Variants in TMEFF2 observed in about 807,000 individuals in gnomAD.
The protein encoded by TMEFF2 is tomoregulin-2.
In TMEFF2, 28 loss-of-function variants were observed where a neutral mutation model predicts 53.8. That is an observed-to-expected ratio of 0.52 (90% CI 0.39 to 0.71). The LOEUF (loss-of-function observed/expected upper bound fraction) is 0.71. TMEFF2 is among the 30% of genes least tolerant of loss of function. The pLI, the probability that TMEFF2 is intolerant of heterozygous loss-of-function variation, is 0.00. For missense variants in TMEFF2, 353 were observed against 455.2 expected, an observed-to-expected ratio of 0.78 and a Z score of 2.04; for synonymous variants, 162 against 166.3, an observed-to-expected ratio of 0.97 and a Z score of 0.20.
chr2:192,120,167 C>A (rs1191620484), intron 4 of TMEFF2, among the ~76,000 whole-genome samples: 2 of 152,104 alleles, frequency 1.3e-5, no homozygotes, highest in Non-Finnish European at 1.5e-5. Flanking sequence ...CTGCTAAATA[C>A]CCTAACAGTA....
At chr2:192,181,174 A>T (rs1411858432) in intron 3 of TMEFF2, among the ~76,000 whole-genome samples, 1 of 151,752 alleles carries the variant, frequency 6.6e-6, no homozygotes, top group Non-Finnish European at 1.5e-5. Context: ...CATAAGTCAC[A>T]ACACCATCTC....
At chr2:192,076,363 G>A (rs74986593) in intron 4 of TMEFF2, among the ~76,000 whole-genome samples, 2,323 of 151,832 alleles carry the variant, frequency 0.015, 30 homozygotes, top group Non-Finnish European at 0.02. Flanking sequence ...TAATATTTGG[G>A]AGCATGCACC....
intron 4 of TMEFF2, among the ~76,000 whole-genome samples, chr2:192,081,639 C>G (rs1688554572): frequency 6.6e-6 from 1 of 151,938 alleles, no homozygotes; most frequent in African/African-American, 2.4e-5. Flanking sequence ...TGCTTTTTAA[C>G]CAACTTAGTT....
Position 192,015,710 on chromosome 2 carries a change from G to A in TMEFF2, c.537-16502C>T, listed in dbSNP as rs143891358. On this transcript the variant is annotated intron_variant, in intron 5 of 9. Transcript: ENST00000272771. ...TTTGAAATGTGACATTTAGGGGAAG[G>A]CTCGTTTCTATGAGAAAATACATGT... Among the ~76,000 whole-genome samples the A allele has an allele frequency of 2.6e-5, 4 of 152,200 alleles. No individual in the cohort carries two copies. The East Asian group carries it at 7.7e-4, about 29-fold the overall frequency.
At chr2:192,004,722 T>C (rs926008620) in intron 5 of TMEFF2, among the ~76,000 whole-genome samples, 2 of 152,232 alleles carry the variant, frequency 1.3e-5, no homozygotes, top group Admixed American at 6.5e-5. Flanking sequence ...TACCAACTTA[T>C]GTAAATTAAT....
At chr2:192,037,639 G>C (rs1037170892) in intron 5 of TMEFF2, among the ~76,000 whole-genome samples, 1 of 21,814 alleles carries the variant, frequency 4.6e-5, no homozygotes, top group Non-Finnish European at 2.1e-4. Flanking sequence ...GAGAAAGAGA[G>C]AGAAAGAGAG....
chr2:192,032,880 TATAA>T (rs1360080854), intron 5 of TMEFF2, among the ~76,000 whole-genome samples: 3 of 152,214 alleles, frequency 2.0e-5, no homozygotes, highest in Non-Finnish European at 4.4e-5. Flanking sequence ...AATTTTATAT[TATAA>T]ATAAACCTGT....
chr2:192,172,745 T>A (rs1690946958), intron 4 of TMEFF2, among the ~76,000 whole-genome samples: 1 of 151,830 alleles, frequency 6.6e-6, no homozygotes, highest in African/African-American at 2.4e-5. Flanking sequence ...AAAGTTAAAG[T>A]GGGAAGGGGA....
chr2:191,953,882 CATTT>C lies in TMEFF2; in HGVS notation c.870-49_870-46del. On this transcript the variant is annotated intron_variant, in intron 8 of 9. Coordinates refer to ENST00000272771, the MANE Select transcript of TMEFF2 (RefSeq NM_016192.4). ...CCAGTTACCTGTAGGGTGCTGCATTCATTTTTTTTTTTTTTTTTTTTTTTTGAGA... is the reference window on the plus strand; with the variant it reads ...CCAGTTACCTGTAGGGTGCTGCATTCTTTTTTTTTTTTTTTTTTTTTGAGA... 3 of 662,308 alleles carry C rather than the reference CATTT, an allele frequency of 4.5e-6. No homozygotes were observed. The South Asian group carries it at 9.1e-5, about 20-fold the overall frequency. The allele number at this position is 662,308 out of a possible 1,614,324, so 41.0% of individuals were successfully genotyped here. A position where few individuals can be genotyped will look rare whatever the true frequency, so the allele number is the denominator to read the frequency against.
At chr2:192,154,712 C>T (rs1468608748) in intron 4 of TMEFF2, among the ~76,000 whole-genome samples, 1 of 151,830 alleles carries the variant, frequency 6.6e-6, no homozygotes, top group Non-Finnish European at 1.5e-5. Context: ...CAGGTGATCG[C>T]CAAGGGACTG....
chr2:192,134,088 T>C (rs1359771407), intron 4 of TMEFF2, among the ~76,000 whole-genome samples: 3 of 152,202 alleles, frequency 2.0e-5, no homozygotes, highest in Non-Finnish European at 4.4e-5. Context: ...TTAATACTTT[T>C]AGAGGCCCTC....
At chr2:192,063,037 CT>C (rs1264887117) in intron 4 of TMEFF2, among the ~76,000 whole-genome samples, 50 of 150,694 alleles carry the variant, frequency 3.3e-4, no homozygotes, top group Admixed American at 3.0e-3. Flanking sequence ...GGCTATTTCA[CT>C]TTTTTTATTT....
chr2:191,969,907 A>C (rs1692585878), intron 7 of TMEFF2, among the ~76,000 whole-genome samples: 1 of 152,226 alleles, frequency 6.6e-6, no homozygotes, highest in African/African-American at 2.4e-5. Context: ...GCAATAAAAA[A>C]GTCATGGAAT....
Position 191,956,341 on chromosome 2 carries a change from G to C in TMEFF2, c.783C>G (p.His261Gln). The C allele has an allele frequency of 6.2e-7, 1 of 1,613,948 alleles. No homozygotes were observed. Among genetic ancestry groups the C allele is most frequent in the Non-Finnish European group, 8.5e-7 (1 of 1,179,926 alleles). ...ANKLEESARE[H>Q]HIPCPEHYNG... ...TGTAATGTTCCGGACAAGGTATGTG[G>C]TGTTCTCTGGCACTTTCTTCTAATT... The change falls in exon 8 of 10, where the codon CAC (histidine) becomes CAG (glutamine). Residue 261 changes from histidine to glutamine, a missense_variant. Coordinates refer to ENST00000272771, the MANE Select transcript of TMEFF2 (RefSeq NM_016192.4).
chr2:192,027,735 C>A (rs1360686966), intron 5 of TMEFF2: 1 of 152,192 alleles, frequency 6.6e-6, no homozygotes, highest in Non-Finnish European at 1.5e-5. Context: ...CTGTTGTCAT[C>A]AACTTGATAT....
intron 3 of TMEFF2, among the ~76,000 whole-genome samples, chr2:192,182,421 C>CTAAT (rs1472370380): frequency 3.3e-5 from 5 of 151,956 alleles, no homozygotes; most frequent in African/African-American, 1.2e-4. Flanking sequence ...GACTGGCTTA[C>CTAAT]TAATTAAATC....
In TMEFF2 at chr2:192,114,190, G is replaced by A. The variant is rs1213193151; in HGVS notation, c.440-56415C>T. The stretch of plus-strand genomic sequence containing the variant: ...AAATATAAAATAAACAACTCAGATT[G>A]TAGAGAACAGGAATATAGCCCTTGA... On this transcript the variant is annotated intron_variant, in intron 4 of 9. Transcript: ENST00000272771. Among the ~76,000 whole-genome samples the A allele has an allele frequency of 6.0e-5, 9 of 151,246 alleles. No individual in the cohort carries two copies. The East Asian group carries it at 1.6e-3, about 26-fold the overall frequency.
At chr2:192,116,558 A>G (rs994859263) in intron 4 of TMEFF2, among the ~76,000 whole-genome samples, 6 of 152,144 alleles carry the variant, frequency 3.9e-5, no homozygotes, top group African/African-American at 1.4e-4. Flanking sequence ...TATTTTGCTA[A>G]AAGAATATAT....
At chr2:192,132,004 T>TCTTC (rs1252398009) in intron 4 of TMEFF2, among the ~76,000 whole-genome samples, 1 of 151,892 alleles carries the variant, frequency 6.6e-6, no homozygotes. Context: ...TCGTCCCAAA[T>TCTTC]CTTCCTTCTT....
Sources: gnomAD v4.1 joint callset for allele counts (sites outside exome capture counted in the v4.1 genomes callset) on GRCh38, gnomAD v4.1.1 for gene constraint, MANE v1.5 for transcripts, NCBI Gene and HGNC (gene_info 2026-07-23, HGNC 2026-07-21) for gene names.